EPG5: variants seen among roughly 807,000 people sequenced by gnomAD.
The protein encoded by EPG5 is ectopic P granules protein 5 homolog.
Under a neutral mutation model 302.7 loss-of-function variants are expected in EPG5, and 159 were observed. The observed-to-expected ratio is 0.53, with a 90% CI of 0.46 to 0.60. The LOEUF (loss-of-function observed/expected upper bound fraction) is 0.60. Ranked by LOEUF, EPG5 falls within the 20% of genes least tolerant of loss-of-function variation. The probability of loss-of-function intolerance (pLI) is 0.00; values close to 1 mark genes in which losing one functional copy is unlikely to be tolerated. For synonymous variants in EPG5, 1,158 were observed against 1,136.8 expected, an observed-to-expected ratio of 1.02 and a Z score of -0.37; for missense variants, 2,896 against 3,092.4, an observed-to-expected ratio of 0.94 and a Z score of 1.51.
chr18:45,879,981 A>G (rs752666953), intron 32 of EPG5, 94 bp downstream of exon 32: 39 of 1,376,136 alleles, frequency 2.8e-5, no homozygotes, highest in Admixed American at 7.0e-5. Context: ...TGGCTCTTAA[A>G]GATAATGCAC....
At chr18:45,814,256 G>A in the EPG5 span, among the ~76,000 whole-genome samples, 7 of 152,172 alleles carry the variant, frequency 4.6e-5, no homozygotes, top group Non-Finnish European at 1.0e-4. Context: ...CACTAATCAT[G>A]AGGAAGGACG....
chr18:45,935,566 C>T (rs1483419429), intron 10 of EPG5, among the ~76,000 whole-genome samples: 2 of 151,722 alleles, frequency 1.3e-5, no homozygotes, highest in Admixed American at 1.3e-4. Flanking sequence ...ATTATTATTA[C>T]GGATATTAGC....
intron 15 of EPG5, 118 bp from the exon 16 acceptor site, chr18:45,922,718 G>T: frequency 8.1e-7 from 1 of 1,237,590 alleles, no homozygotes. Flanking sequence ...TATTCTACTT[G>T]CTGGTCTCCA....
chr18:45,913,645 T>A (rs1391989056), intron 21 of EPG5, 61 bp downstream of exon 21: 2 of 1,590,296 alleles, frequency 1.3e-6, no homozygotes, highest in East Asian at 4.5e-5. Flanking sequence ...TACGGGTGAA[T>A]CCATCAGCAT....
chr18:45,818,732 C>CTTTTTT, the EPG5 span, among the ~76,000 whole-genome samples: 13 of 111,398 alleles, frequency 1.2e-4, no homozygotes, highest in East Asian at 2.7e-4. Flanking sequence ...TTTTGCATAA[C>CTTTTTT]TTTTTTTTTT....
At chr18:45,845,640 A>C (rs1470353607), downstream of EPG5, among the ~76,000 whole-genome samples, 1 of 152,214 alleles carries the variant, frequency 6.6e-6, no homozygotes, top group Non-Finnish European at 1.5e-5. Flanking sequence ...GCACGGAGTC[A>C]AGGAGAGAAA....
At chr18:45,891,872 A>G (rs1037792347) in intron 27 of EPG5, among the ~76,000 whole-genome samples, 3 of 152,208 alleles carry the variant, frequency 2.0e-5, no homozygotes, top group Admixed American at 2.0e-4. Context: ...ATAACAGACC[A>G]ATGTTTAATA....
intron 35 of EPG5, among the ~76,000 whole-genome samples, chr18:45,871,376 C>T (rs1034524027): frequency 6.6e-6 from 1 of 152,052 alleles, no homozygotes; most frequent in East Asian, 1.9e-4. Context: ...CATGGAGGTT[C>T]GTCAAAAAAC....
At chr18:45,957,498 AG>A (rs372915283) in intron 1 of EPG5, among the ~76,000 whole-genome samples, 3 of 152,376 alleles carry the variant, frequency 2.0e-5, no homozygotes, top group Non-Finnish European at 2.9e-5. Flanking sequence ...TGTAATAAAC[AG>A]GGTTCTTAGA....
chr18:45,855,279 T>A, intron 43 of EPG5: 1 of 230,830 alleles, frequency 4.3e-6, no homozygotes, highest in Non-Finnish European at 8.5e-6. Context: ...AGCCCAAGCA[T>A]GTGGTAGATA....
the EPG5 span, chr18:45,825,783 G>T: frequency 6.2e-7 from 1 of 1,614,246 alleles, no homozygotes; most frequent in Non-Finnish European, 8.5e-7. Flanking sequence ...CCCGACAGGT[G>T]AGTGTCTGCT....
chr18:45,910,499 G>C (rs192587228), intron 23 of EPG5, 22 bp downstream of exon 23: 166 of 1,554,528 alleles, frequency 1.1e-4, no homozygotes, highest in Admixed American at 3.8e-4. Context: ...AACAATGTAG[G>C]TGGCTAAATA....
At chr18:45,944,512 T>C (rs911087615) in intron 7 of EPG5, among the ~76,000 whole-genome samples, 21 of 152,126 alleles carry the variant, frequency 1.4e-4, no homozygotes, top group African/African-American at 5.1e-4. Flanking sequence ...CCCAGCACTT[T>C]GGAAGGCCGA....
chr18:45,939,507 A>G, intron 10 of EPG5, 93 bp downstream of exon 10: 7 of 1,232,458 alleles, frequency 5.7e-6, no homozygotes, highest in Non-Finnish European at 8.0e-6. Flanking sequence ...CTAAGAAACT[A>G]TTATAAAAGA....
intron 1 of EPG5, among the ~76,000 whole-genome samples, chr18:45,956,830 C>G (rs1309108850): frequency 1.3e-5 from 2 of 151,922 alleles, no homozygotes; most frequent in East Asian, 3.9e-4. Flanking sequence ...CATGGGAAGT[C>G]TCTGTATTAT....
At chr18:45,906,591 C>T (rs896489071) in intron 24 of EPG5, among the ~76,000 whole-genome samples, 7 of 152,162 alleles carry the variant, frequency 4.6e-5, no homozygotes, top group Non-Finnish European at 8.8e-5. Flanking sequence ...CCACTCCAGG[C>T]CCAATCCAAA....
chr18:45,879,147 T>G lies in EPG5; in HGVS notation c.5735A>C (p.Lys1912Thr), dbSNP rs754227425. ...CCATTTTGAGAATAAACCAAAGCTT[T>G]TAAAGTCCATCTTGGATAACCGAAG... ...YKLRLSKMDF[K>T]SFGLFSKWSP... is the part of the protein sequence containing the mutation. The change falls in exon 33 of 44, where the codon AAA (lysine) becomes ACA (threonine). Residue 1912 changes from lysine (K) to threonine (T), a missense_variant. Physicochemically the swap from Lys to Thr is moderately conservative, Grantham distance 78 (BLOSUM62 -1). Coordinates refer to ENST00000282041, the MANE Select transcript of EPG5 (RefSeq NM_020964.3). 41 of 1,613,988 alleles carry G rather than the reference T, an allele frequency of 2.5e-5. No individual in the cohort carries two copies. The highest frequency in any genetic ancestry group is 3.5e-5 in the Non-Finnish European group (41 of 1,180,000).
the EPG5 span, among the ~76,000 whole-genome samples, chr18:45,817,163 A>G: frequency 2.0e-5 from 3 of 152,186 alleles, no homozygotes; most frequent in African/African-American, 7.2e-5. Flanking sequence ...AATAGGATGC[A>G]TTGTATACTT....
At chr18:45,936,640 A>C (rs2050531742) in intron 10 of EPG5, among the ~76,000 whole-genome samples, 1 of 150,686 alleles carries the variant, frequency 6.6e-6, no homozygotes, top group African/African-American at 2.4e-5. Flanking sequence ...AGGCAGGAGA[A>C]TCACTTGAAC....
Sources: allele counts gnomAD v4.1 joint callset (sites outside exome capture counted in the v4.1 genomes callset), GRCh38; gene constraint gnomAD v4.1.1; transcripts MANE v1.5; gene names NCBI Gene and HGNC (gene_info 2026-07-23, HGNC 2026-07-21).